The following SLCO1B3 variants were observed in gnomAD, a reference collection of about 807,000 sequenced individuals.
SLCO1B3 encodes the protein liver-specific organic anion transporter 2.
In SLCO1B3, 72 loss-of-function variants were observed where a neutral mutation model predicts 71.8. The observed-to-expected ratio is 1.00, with a 90% CI of 0.83 to 1.22. The LOEUF (loss-of-function observed/expected upper bound fraction) is 1.22, where lower values mean the gene tolerates loss of function less well. SLCO1B3 is among the 50% of genes most tolerant of loss of function. The pLI is 0.00. For synonymous variants in SLCO1B3, 298 were observed against 278.4 expected (o/e 1.07, Z -0.70); for missense variants, 911 against 819.7 (o/e 1.11, Z -1.36).
chr12:20,863,027 T>G (rs1865301954), intron 8 of SLCO1B3, among the ~76,000 whole-genome samples, 173 bp downstream of exon 8: 1 of 152,232 alleles, frequency 6.6e-6, no homozygotes, highest in African/African-American at 2.4e-5. Flanking sequence ...TAGCTCCTAT[T>G]TATACTTTGC....
chr12:20,901,486 A>T lies in SLCO1B3; in HGVS notation c.1865+19A>T, dbSNP rs553544548. On this transcript the variant is annotated intron_variant, in intron 15 of 15. Transcript: ENST00000381545. ...TTTTTGGGTAAGTTGTCGTAAACAC[A>T]TTTCATTAATAGATTTTTTCTTTGT... 9.5e-6 allele frequency: 12 copies of T among 1,256,976 alleles called. No homozygotes were observed. In the African/African-American group the frequency reaches 1.8e-4, roughly 19 times the overall value. 77.9% of individuals were successfully genotyped at this position (1,256,976 alleles called of 1,614,324 possible). A position where few individuals can be genotyped will look rare whatever the true frequency, so the allele number is the denominator to read the frequency against.
Position 20,883,367 on chromosome 12 carries a change from C to T in SLCO1B3, c.1498-51C>T, listed in dbSNP as rs748359618. On this transcript the variant is annotated intron_variant, in intron 12 of 15. Coordinates refer to ENST00000381545, the MANE Select transcript of SLCO1B3 (RefSeq NM_019844.4). ...AAATATAATGGAATGTATTCATAGC[C>T]CTGTTGTATTTGGCAAATGTATTTG... The T allele has an allele frequency of 5.8e-6, 6 of 1,037,246 alleles. No homozygotes were observed. The South Asian group carries it at 7.2e-5, about 12-fold the overall frequency. 64.3% of individuals were successfully genotyped at this position (1,037,246 alleles called of 1,614,324 possible).
Position 20,822,261 on chromosome 12 carries a change from C to T in SLCO1B3, c.84+6439C>T, listed in dbSNP as rs144659345. On this transcript the variant is annotated intron_variant, in intron 3 of 15. Transcript: ENST00000381545. ...TAAAGCTGTTTATTTCACCTGGATG[C>T]GGTTGGGCTGAGTCCGAAAAGAGAG... Among the ~76,000 whole-genome samples the T allele has an allele frequency of 1.2e-4, 19 of 152,020 alleles. No individual in the cohort carries two copies. The East Asian group carries it at 2.5e-3, about 20-fold the overall frequency.
intron 3 of SLCO1B3, among the ~76,000 whole-genome samples, chr12:20,816,285 G>C (rs914563313): frequency 2.0e-5 from 3 of 152,110 alleles, no homozygotes. Context: ...CAAATAGTAG[G>C]TCTTATTCAT....
chr12:20,870,676 T>C (rs1023317975), intron 8 of SLCO1B3, among the ~76,000 whole-genome samples: 1 of 152,190 alleles, frequency 6.6e-6, no homozygotes, highest in Non-Finnish European at 1.5e-5. Flanking sequence ...ATTCTGTTGG[T>C]CTACATATCT....
intron 2 of SLCO1B3, among the ~76,000 whole-genome samples, chr12:20,815,082 T>G (rs1864170009): frequency 6.6e-6 from 1 of 150,664 alleles, no homozygotes; most frequent in Non-Finnish European, 1.5e-5. Flanking sequence ...GATGGTAAGG[T>G]CAAGCATGGC....
intron 3 of SLCO1B3, among the ~76,000 whole-genome samples, chr12:20,833,568 A>G (rs535244102): frequency 6.7e-6 from 1 of 148,646 alleles, no homozygotes; most frequent in Non-Finnish European, 1.5e-5. Flanking sequence ...TTTACTATAT[A>G]TACATGAATA....
At chr12:20,844,340 G>A (rs1159798812) in intron 3 of SLCO1B3, among the ~76,000 whole-genome samples, 1 of 152,088 alleles carries the variant, frequency 6.6e-6, no homozygotes, top group East Asian at 1.9e-4. Flanking sequence ...GCTGAGGTGG[G>A]CGAATCACTT....
intron 3 of SLCO1B3, among the ~76,000 whole-genome samples, chr12:20,837,513 G>A (rs1020299522): frequency 4.6e-5 from 7 of 151,812 alleles, no homozygotes; most frequent in Admixed American, 2.0e-4. Flanking sequence ...GATGAATTGT[G>A]TTTTTATTTT....
rs747459855 is a variant in SLCO1B3, at chr12:20,862,770, A to G, written c.643A>G (p.Ile215Val). ...AATACTTACAGGTAGTTTGAATGCA[A>G]TAGGAATGATTGGTCCAGTCATTGG... ...SSLYLGSLNAIGMIGPVIGFA... is the reference protein window; with the variant it reads ...SSLYLGSLNAVGMIGPVIGFA... Residue 215 changes from isoleucine (I) to valine (V), a missense_variant, in exon 8 of 16, where the codon ATA (isoleucine) becomes GTA (valine). Ile to Val is a conservative substitution (Grantham distance 29, BLOSUM62 3). Transcript: ENST00000381545. 2 of 1,610,278 alleles carry G rather than the reference A, an allele frequency of 1.2e-6. No homozygotes were observed. The highest frequency in any genetic ancestry group is 1.1e-5 in the South Asian group (1 of 90,558).
chr12:20,821,134 C>T (rs1427522078), intron 3 of SLCO1B3, among the ~76,000 whole-genome samples: 4 of 151,696 alleles, frequency 2.6e-5, no homozygotes, highest in East Asian at 2.0e-4. Flanking sequence ...AGGGGACAGG[C>T]GGGAGGGAAA....
rs375077127 is a variant in SLCO1B3 at position 20,908,606 on chromosome 12, C to CT, written c.1865+7140dup. Among the ~76,000 whole-genome samples the CT allele has an allele frequency of 1.0e-3, 153 of 152,350 alleles. 1 individual carries two copies. Among genetic ancestry groups the CT allele is most frequent in the African/African-American group, 3.5e-3 (144 of 41,578 alleles). On this transcript the variant is annotated intron_variant, in intron 15 of 15. Transcript: ENST00000381545. ...CTCTTTACTACTTCCACAATTTTGT[C>CT]TGCTTCAGATCATATAGTTGGAATT... is the stretch of plus-strand genomic sequence containing the variant.
intron 9 of SLCO1B3, 84 bp downstream of exon 9, chr12:20,875,561 CA>C (rs1865565706): frequency 1.5e-6 from 2 of 1,356,848 alleles, no homozygotes; most frequent in Non-Finnish European, 2.0e-6. Flanking sequence ...AAAGCATACT[CA>C]AATCATCTAG....
intron 3 of SLCO1B3, among the ~76,000 whole-genome samples, chr12:20,839,143 G>A (rs954390427): frequency 2.6e-5 from 4 of 151,596 alleles, no homozygotes; most frequent in Non-Finnish European, 5.9e-5. Flanking sequence ...TTTAGTGTAA[G>A]CATACATAAT....
chr12:20,865,811 CAG>C (rs1222312178), intron 8 of SLCO1B3, among the ~76,000 whole-genome samples: 2 of 152,040 alleles, frequency 1.3e-5, no homozygotes, highest in Non-Finnish European at 2.9e-5. Flanking sequence ...AAACTTTACA[CAG>C]AGAAACTCTT....
In SLCO1B3 at chr12:20,896,135, C is replaced by T. The variant is rs76078745; in HGVS notation, c.1683-2301C>T. 2.3e-3 allele frequency among the ~76,000 whole-genome samples: 344 copies of T among 152,248 alleles called. 2 individuals carry two copies. Among genetic ancestry groups the T allele is most frequent in the African/African-American group, 7.9e-3 (329 of 41,544 alleles). On this transcript the variant is annotated intron_variant, in intron 13 of 15. Transcript: ENST00000381545. ...TTCTCCTAGGATTCCAGGCCTTTGA[C>T]GGGAGGGGCTACCATGAAGACTTCT...
At chr12:20,903,429 C>A (rs1440217459) in intron 15 of SLCO1B3, among the ~76,000 whole-genome samples, 1 of 152,110 alleles carries the variant, frequency 6.6e-6, no homozygotes, top group Non-Finnish European at 1.5e-5. Flanking sequence ...GAAGAGCTAC[C>A]TGAGACTGGG....
intron 8 of SLCO1B3, among the ~76,000 whole-genome samples, chr12:20,874,599 CTT>C (rs1865541655): frequency 6.6e-6 from 1 of 152,140 alleles, no homozygotes; most frequent in South Asian, 2.1e-4. Flanking sequence ...ACACATTACT[CTT>C]ATACATACTT....
chr12:20,847,430 C>CA (rs1185012498), intron 3 of SLCO1B3, among the ~76,000 whole-genome samples: 1 of 152,086 alleles, frequency 6.6e-6, no homozygotes, highest in Non-Finnish European at 1.5e-5. Flanking sequence ...TTTTCCCTCC[C>CA]TGTGAGGGTA....
Sources: gnomAD v4.1 joint callset for allele counts (sites outside exome capture counted in the v4.1 genomes callset) on GRCh38, gnomAD v4.1.1 for gene constraint, MANE v1.5 for transcripts, NCBI Gene and HGNC (gene_info 2026-07-23, HGNC 2026-07-21) for gene names.